CACNA1H: variants seen among roughly 807,000 people sequenced by gnomAD.
CACNA1H encodes the protein calcium voltage-gated channel subunit alpha1 H.
Under a neutral mutation model 192.5 loss-of-function variants are expected in CACNA1H, and 149 were observed. The ratio of observed to expected loss-of-function variants is 0.77; its 90% CI spans 0.68 to 0.89. The LOEUF is 0.89. Among genes scored for constraint, CACNA1H ranks in the 40% least tolerant of loss-of-function variants. CACNA1H has a pLI of 0.00. For missense variants in CACNA1H, 4,257 were observed against 3,423.5 expected, an observed-to-expected ratio of 1.24 and a Z score of -6.08; for synonymous variants, 2,202 against 1,475.2, an observed-to-expected ratio of 1.49 and a Z score of -11.29.
Position 1,153,992 on chromosome 16 carries a change from G to A in CACNA1H, c.255G>A (p.Gln85=), listed in dbSNP as rs1397665582. 7.4e-6 allele frequency: 10 copies of A among 1,345,656 alleles called. No homozygotes were observed. The East Asian group carries it at 3.6e-4, about 48-fold the overall frequency. The allele number at this position is 1,345,656 out of a possible 1,614,324, so 83.4% of individuals were successfully genotyped here. The change falls in exon 2 of 35, where the codon CAG becomes CAA. Residue 85 remains glutamine, a synonymous_variant. Coordinates refer to ENST00000348261, the MANE Select transcript of CACNA1H (RefSeq NM_021098.3). ...CCACGGTCTTCTTCTGCCTCGGTCA[G>A]ACCACGCGGCCGCGCAGCTGGTGCC... ...LAATVFFCLG[Q]TTRPRSWCLR...
chr16:1,207,359 C>A lies in CACNA1H; in HGVS notation c.2992C>A (p.Leu998Ile), dbSNP rs768438272. 2.5e-5 allele frequency: 41 copies of A among 1,613,194 alleles called. No individual in the cohort carries two copies. The South Asian group carries it at 4.5e-4, about 18-fold the overall frequency. ...SSWAALYFVA[L>I]MTFGNYVLFN... The stretch of plus-strand genomic sequence containing the variant: ...CTGGGCCGCCCTCTACTTCGTGGCC[C>A]TCATGACCTTCGGCAACTATGTGCT... Residue 998 changes from leucine (L) to isoleucine (I), a missense_variant, in exon 14 of 35, where the codon CTC becomes ATC. Leu to Ile is a conservative substitution (Grantham distance 5). Coordinates refer to ENST00000348261, the MANE Select transcript of CACNA1H (RefSeq NM_021098.3).
intron 2 of CACNA1H, among the ~76,000 whole-genome samples, chr16:1,192,332 GTGCCACCCACCCC>G (rs146805529): frequency 0.037 from 5,632 of 152,320 alleles, 124 homozygotes; most frequent in Non-Finnish European, 0.057. Context: ...TAGGCACTGG[GTGCCACCCACCCC>G]TGCCAGCCCC....
rs1045318582 is a variant in CACNA1H at position 1,219,035 on chromosome 16, G to A, written c.5953G>A (p.Val1985Met). Residue 1985 changes from valine (V) to methionine (M), a missense_variant, in exon 34 of 35, where the codon GTG becomes ATG. By Grantham distance (21) the Val-to-Met change is conservative. Transcript: ENST00000348261. ...SCASLQIPLAVSSPARSGEPL... is the reference protein window; with the variant it reads ...SCASLQIPLAMSSPARSGEPL... ...TGCCTCCCTCCAGATCCCATTGGCT[G>A]TGTCGTCCCCAGCCAGGAGCGGCGA... 7 of 1,549,980 alleles carry A rather than the reference G, an allele frequency of 4.5e-6. No homozygotes were observed. The South Asian group carries it at 5.9e-5, about 13-fold the overall frequency.
chr16:1,188,514 G>C (rs946093086), intron 2 of CACNA1H, among the ~76,000 whole-genome samples: 3 of 151,988 alleles, frequency 2.0e-5, no homozygotes, highest in Non-Finnish European at 4.4e-5. Context: ...GATAGCAGCT[G>C]CCAGGGTTCC....
chr16:1,202,321 G>A lies in CACNA1H; in HGVS notation c.1871G>A (p.Gly624Asp), dbSNP rs761439148. 10 of 1,581,100 alleles carry A rather than the reference G, an allele frequency of 6.3e-6. No individual in the cohort carries two copies. The highest frequency in any genetic ancestry group is 8.6e-6 in the Non-Finnish European group (10 of 1,165,906). ...PTILPSGVGS[G>D]KGSTSPGPKG... is the part of the protein sequence containing the mutation. Reference sequence around the variant, plus strand: ...ATCCTGCCCTCAGGGGTGGGCAGCGGCAAAGGCAGCACCAGCCCCGGACCC... The same window carrying A: ...ATCCTGCCCTCAGGGGTGGGCAGCGACAAAGGCAGCACCAGCCCCGGACCC... Residue 624 changes from glycine (G) to aspartate (D), a missense_variant, in exon 9 of 35, where the codon GGC becomes GAC. Transcript: ENST00000348261.
rs797013261 is a variant in CACNA1H, at chr16:1,171,231, C to T, written c.299+17195C>T. On this transcript the variant is annotated intron_variant, in intron 2 of 34. Coordinates refer to ENST00000348261, the MANE Select transcript of CACNA1H (RefSeq NM_021098.3). The stretch of plus-strand genomic sequence containing the variant: ...CCCGCGCCGCCCAGGATCACCTCCT[C>T]GTGGGGAGGTCTCTCGGGCAGCCTG... Among the ~76,000 whole-genome samples the T allele has an allele frequency of 7.2e-5, 11 of 152,066 alleles. No individual in the cohort carries two copies. In the South Asian group the frequency reaches 1.2e-3, roughly 17 times the overall value.
chr16:1,179,156 G>A (rs1965213052), intron 2 of CACNA1H, among the ~76,000 whole-genome samples: 1 of 152,246 alleles, frequency 6.6e-6, no homozygotes, highest in South Asian at 2.1e-4. Flanking sequence ...ACCCCTGGCT[G>A]GGCCTGGCCG....
chr16:1,207,542 G>C, intron 14 of CACNA1H, 112 bp downstream of exon 14: 1 of 1,244,222 alleles, frequency 8.0e-7, no homozygotes, highest in Non-Finnish European at 1.1e-6. Flanking sequence ...GATAGAGAAG[G>C]GAAGCTGGCT....
chr16:1,200,727 G>A lies in CACNA1H; in HGVS notation c.1131G>A (p.Leu377=). 1 of 1,562,510 alleles carries A rather than the reference G, an allele frequency of 6.4e-7. No homozygotes were observed. The highest frequency in any genetic ancestry group is 8.7e-7 in the Non-Finnish European group (1 of 1,153,492). ...AWIAIFQVIT[L]EGWVDIMYYV... is the part of the protein sequence containing the mutation. The stretch of plus-strand genomic sequence containing the variant: ...CACTGCCCCCCCAGGTGATCACGCT[G>A]GAAGGCTGGGTGGACATCATGTACT... Residue 377 remains leucine (L), a synonymous_variant, in exon 8 of 35, where the codon CTG becomes CTA. Coordinates refer to ENST00000348261, the MANE Select transcript of CACNA1H (RefSeq NM_021098.3).
rs747424487 is a variant in CACNA1H, at chr16:1,201,650, G to A, written c.1213-13G>A. 1.2e-5 allele frequency: 19 copies of A among 1,569,374 alleles called. No individual in the cohort carries two copies. The highest frequency in any genetic ancestry group is 1.8e-5 in the Admixed American group (1 of 56,026). ...CTCACTCACTGCCACTTACCCGCCC[G>A]CCCCCGTCACAGGTGGGCTCCTTCT... is the stretch of plus-strand genomic sequence containing the variant. On this transcript the variant is annotated splice_polypyrimidine_tract_variant and intron_variant, in intron 8 of 34. Coordinates refer to ENST00000348261, the MANE Select transcript of CACNA1H (RefSeq NM_021098.3).
At chr16:1,202,826 C>G (rs1040487783) in intron 9 of CACNA1H, among the ~76,000 whole-genome samples, 2 of 152,150 alleles carry the variant, frequency 1.3e-5, no homozygotes, top group South Asian at 2.1e-4. Context: ...GTGCAGCGTC[C>G]TTCGTGGCCA....
At chr16:1,164,131 C>A (rs998987331) in intron 2 of CACNA1H, among the ~76,000 whole-genome samples, 1 of 152,168 alleles carries the variant, frequency 6.6e-6, no homozygotes, top group Non-Finnish European at 1.5e-5. Context: ...AAGCAAGGGC[C>A]CTGGGCCTGA....
chr16:1,155,231 C>T (rs957416444), intron 2 of CACNA1H, among the ~76,000 whole-genome samples: 5 of 152,184 alleles, frequency 3.3e-5, no homozygotes, highest in African/African-American at 4.8e-5. Context: ...GCTGTGGTCC[C>T]GGGGGCAGCC....
Position 1,218,159 on chromosome 16 carries a change from G to A in CACNA1H, c.5446-51G>A, listed in dbSNP as rs1382523463. ...GGGAAGGGGACGGCACTGCCAGGGT[G>A]GCACCCGCGGGTGGGTGTGGACCCC... On this transcript the variant is annotated intron_variant, in intron 32 of 34. Coordinates refer to ENST00000348261, the MANE Select transcript of CACNA1H (RefSeq NM_021098.3). The A allele has an allele frequency of 1.1e-5, 17 of 1,533,690 alleles. No individual in the cohort carries two copies. The East Asian group carries it at 3.4e-4, about 31-fold the overall frequency.
intron 2 of CACNA1H, among the ~76,000 whole-genome samples, chr16:1,187,625 C>G: frequency 6.6e-6 from 1 of 152,212 alleles, no homozygotes; most frequent in East Asian, 1.9e-4. Flanking sequence ...TCTGCCACCC[C>G]GGCACTGATG....
At chr16:1,158,910 G>T (rs1040836152) in intron 2 of CACNA1H, among the ~76,000 whole-genome samples, 1 of 151,534 alleles carries the variant, frequency 6.6e-6, no homozygotes, top group Non-Finnish European at 1.5e-5. Flanking sequence ...CCCTGGCCCC[G>T]CAGAGCCCCC....
chr16:1,160,747 T>G (rs931473172), intron 2 of CACNA1H, among the ~76,000 whole-genome samples: 3 of 152,130 alleles, frequency 2.0e-5, no homozygotes, highest in Admixed American at 6.5e-5. Flanking sequence ...CCACGAGGCC[T>G]CCTTTGTCCT....
chr16:1,220,184 G>A lies in CACNA1H; in HGVS notation c.6252G>A (p.Ala2084=), dbSNP rs767753103. ...AGCGCTGCGTCTCCAGCCGGCCGGC[G>A]GCCCCAGGCGGAGAGGAGGCCGAGG... The part of the protein sequence containing the change: ...FGQRCVSSRP[A]APGGEEAEAS... Residue 2084 remains alanine (A), a synonymous_variant, in exon 35 of 35, where the codon GCG becomes GCA. Coordinates refer to ENST00000348261, the MANE Select transcript of CACNA1H (RefSeq NM_021098.3). 335 of 1,523,630 alleles carry A rather than the reference G, an allele frequency of 2.2e-4. No homozygotes were observed. Among genetic ancestry groups the A allele is most frequent in the South Asian group, 3.3e-4 (26 of 77,818 alleles). 94.4% of individuals were successfully genotyped at this position (1,523,630 alleles called of 1,614,324 possible).
chr16:1,207,949 T>C lies in CACNA1H; in HGVS notation c.3155-64T>C, dbSNP rs186170156. ...GGCCCCCATAAGGCAATCCCTAGGT[T>C]GGGGGATTCCTGGTCCTGGGAGCCT... On this transcript the variant is annotated intron_variant, in intron 15 of 34. Transcript: ENST00000348261. 1,120 of 1,544,010 alleles carry C rather than the reference T, an allele frequency of 7.3e-4. 9 individuals are homozygous for C. In the African/African-American group the frequency reaches 0.014, roughly 19 times the overall value.
Sources: allele counts gnomAD v4.1 joint callset (sites outside exome capture counted in the v4.1 genomes callset), GRCh38; gene constraint gnomAD v4.1.1; transcripts MANE v1.5; gene names NCBI Gene and HGNC (gene_info 2026-07-23, HGNC 2026-07-21).